Variants in ZFYVE28 observed in about 807,000 individuals in gnomAD.
ZFYVE28 encodes lateral signaling target protein 2 homolog.
Under a neutral mutation model 82.1 loss-of-function variants are expected in ZFYVE28, and 40 were observed. The ratio of observed to expected loss-of-function variants is 0.49; its 90% CI spans 0.38 to 0.63. ZFYVE28 has a LOEUF of 0.63. ZFYVE28 is among the 30% of genes least tolerant of loss of function. The pLI is 0.00. For synonymous variants in ZFYVE28, 612 were observed against 546.1 expected, an observed-to-expected ratio of 1.12 and a Z score of -1.68; for missense variants, 1,321 against 1,242.1, an observed-to-expected ratio of 1.06 and a Z score of -0.96.
chr4:2,303,053 G>A (rs551410628), intron 8 of ZFYVE28, among the ~76,000 whole-genome samples: 38 of 152,324 alleles, frequency 2.5e-4, no homozygotes, highest in East Asian at 7.7e-4. Context: ...CGAACCCATC[G>A]ATGGAAAGTG....
intron 7 of ZFYVE28, among the ~76,000 whole-genome samples, chr4:2,312,728 A>C (rs11944310): frequency 2.2e-5 from 1 of 44,830 alleles, no homozygotes; most frequent in Admixed American, 1.9e-4. Context: ...CTCTGCCTCA[A>C]AAAAAAAAAA....
Position 2,377,183 on chromosome 4 carries a change from A to G in ZFYVE28, c.40-23110T>C, listed in dbSNP as rs562592974. Among the ~76,000 whole-genome samples, 389 of 150,760 alleles carry G rather than the reference A, an allele frequency of 2.6e-3. 1 individual carries two copies. Among genetic ancestry groups the G allele is most frequent in the South Asian group, 8.0e-3 (38 of 4,774 alleles). Reference sequence around the variant, plus strand: ...ATTACAGGCGCCCGCTACCACGCCCAGCTAATTTTTTGTATTTTTAGTACA... The same window carrying G: ...ATTACAGGCGCCCGCTACCACGCCCGGCTAATTTTTTGTATTTTTAGTACA... On this transcript the variant is annotated intron_variant, in intron 1 of 12. Transcript: ENST00000290974.
intron 1 of ZFYVE28, among the ~76,000 whole-genome samples, chr4:2,403,109 T>C (rs919879876): frequency 6.6e-6 from 1 of 152,266 alleles, no homozygotes; most frequent in African/African-American, 2.4e-5. Flanking sequence ...GGCCGCCTGA[T>C]GACCCCTCTG....
chr4:2,276,092 G>A (rs1736410375), intron 8 of ZFYVE28, among the ~76,000 whole-genome samples: 1 of 152,276 alleles, frequency 6.6e-6, no homozygotes, highest in Admixed American at 6.5e-5. Flanking sequence ...AAACCCTGCA[G>A]AAGCACAGAG....
intron 1 of ZFYVE28, chr4:2,364,848 C>T: frequency 1.0e-6 from 1 of 985,484 alleles, no homozygotes; most frequent in African/African-American, 1.7e-5. Flanking sequence ...CGATAAAACC[C>T]CCACGTCGCC....
Position 2,270,600 on chromosome 4 carries a change from A to G in ZFYVE28, c.*125T>C. The G allele has an allele frequency of 7.3e-7, 1 of 1,378,896 alleles. No homozygotes were observed. Among genetic ancestry groups the G allele is most frequent in the Non-Finnish European group, 1.0e-6 (1 of 1,001,638 alleles). The allele number at this position is 1,378,896 out of a possible 1,614,324, so 85.4% of individuals were successfully genotyped here. On this transcript the variant is annotated 3_prime_UTR_variant, in exon 13 of 13. Transcript: ENST00000290974. The stretch of plus-strand genomic sequence containing the variant: ...AGGACAGAGGCTCTGGATGCTCTGG[A>G]GGTCTGGGTGCCCCTGCAGCAGCGG...
At chr4:2,388,447 G>A (rs982263828) in intron 1 of ZFYVE28, among the ~76,000 whole-genome samples, 6 of 152,002 alleles carry the variant, frequency 3.9e-5, no homozygotes, top group African/African-American at 1.5e-4. Flanking sequence ...TTTTCCACAA[G>A]GGCTCACCTT....
chr4:2,311,102 C>A (rs974804026), intron 7 of ZFYVE28, among the ~76,000 whole-genome samples: 3 of 152,132 alleles, frequency 2.0e-5, no homozygotes, highest in South Asian at 4.1e-4. Flanking sequence ...ATCCTCATAT[C>A]ATTTTAATAT....
intron 1 of ZFYVE28, chr4:2,406,492 C>A (rs2108681516): frequency 6.6e-6 from 1 of 152,398 alleles, no homozygotes; most frequent in East Asian, 1.9e-4. Flanking sequence ...GGAAGCCATC[C>A]CCTCCCTGTG....
chr4:2,364,855 C>G (rs1368487186), intron 1 of ZFYVE28: 1 of 985,374 alleles, frequency 1.0e-6, no homozygotes, highest in East Asian at 1.1e-4. Flanking sequence ...ACCCCCACGT[C>G]GCCGCGGCAA....
At chr4:2,378,742 C>CCCA (rs1728423628) in intron 1 of ZFYVE28, among the ~76,000 whole-genome samples, 1 of 152,232 alleles carries the variant, frequency 6.6e-6, no homozygotes, top group Non-Finnish European at 1.5e-5. Flanking sequence ...CATCCACCCA[C>CCCA]CCAACCACGA....
At chr4:2,381,648 C>G (rs1008903704) in intron 1 of ZFYVE28, among the ~76,000 whole-genome samples, 1 of 152,220 alleles carries the variant, frequency 6.6e-6, no homozygotes, top group Non-Finnish European at 1.5e-5. Context: ...CTCAAATGAT[C>G]TTCCCACCTC....
intron 1 of ZFYVE28, among the ~76,000 whole-genome samples, chr4:2,384,157 G>A (rs985794936): frequency 3.9e-5 from 6 of 152,302 alleles, no homozygotes; most frequent in East Asian, 3.9e-4. Context: ...AGAGGCCCCC[G>A]GGACTGTCAG....
At chr4:2,383,441 C>T (rs1728930453) in intron 1 of ZFYVE28, among the ~76,000 whole-genome samples, 1 of 152,186 alleles carries the variant, frequency 6.6e-6, no homozygotes, top group Admixed American at 6.5e-5. Context: ...CCCTGCCCCA[C>T]AGCCACGTGG....
chr4:2,299,200 C>T (rs935056320), intron 8 of ZFYVE28, among the ~76,000 whole-genome samples: 3 of 152,156 alleles, frequency 2.0e-5, no homozygotes, highest in African/African-American at 7.2e-5. Context: ...GCAGAAAACA[C>T]AGTCACTTCC....
At chr4:2,383,495 T>C (rs965382121) in intron 1 of ZFYVE28, among the ~76,000 whole-genome samples, 2 of 152,198 alleles carry the variant, frequency 1.3e-5, no homozygotes, top group African/African-American at 4.8e-5. Context: ...TAGTCTCAGG[T>C]ATGTCTTTAT....
At chr4:2,353,131 G>A (rs535908449) in intron 2 of ZFYVE28, among the ~76,000 whole-genome samples, 13 of 152,350 alleles carry the variant, frequency 8.5e-5, no homozygotes, top group African/African-American at 2.2e-4. Context: ...AGCCTGATCC[G>A]GCCAGAAAAG....
Position 2,360,134 on chromosome 4 carries a change from G to C in ZFYVE28, c.40-6061C>G, listed in dbSNP as rs144500931. ...GTATAATTGCCTGCGCGTGGGAAAG[G>C]GGCATCCTGAACAGCGTGTCCAAAG... On this transcript the variant is annotated intron_variant, in intron 1 of 12. Coordinates refer to ENST00000290974, the MANE Select transcript of ZFYVE28 (RefSeq NM_020972.3). 3.3e-5 allele frequency among the ~76,000 whole-genome samples: 5 copies of C among 152,104 alleles called. No homozygotes were observed. The East Asian group carries it at 9.7e-4, about 29-fold the overall frequency.
At position 2,417,951 on chromosome 4, in the gene ZFYVE28, A is replaced by T. The variant is rs1733283215; in HGVS notation, c.39+334T>A. 6.7e-6 allele frequency among the ~76,000 whole-genome samples: 1 copy of T among 149,108 alleles called. No homozygotes were observed. The highest frequency in any genetic ancestry group is 1.5e-5 in the Non-Finnish European group (1 of 67,358). On this transcript the variant is annotated intron_variant, in intron 1 of 12. Coordinates refer to ENST00000290974, the MANE Select transcript of ZFYVE28 (RefSeq NM_020972.3). The surrounding 1 kb of genome is among the most constrained non-coding windows in gnomAD (Gnocchi z 4.8). Reference sequence around the variant, plus strand: ...CGGGCTGGGGACCACGAAGTGTAGGAGGGCACCGTCCAGGACCGGGATGAG... The same window carrying T: ...CGGGCTGGGGACCACGAAGTGTAGGTGGGCACCGTCCAGGACCGGGATGAG...
Sources: allele counts gnomAD v4.1 joint callset (sites outside exome capture counted in the v4.1 genomes callset), GRCh38; gene constraint gnomAD v4.1.1; non-coding constraint Gnocchi (gnomAD v3.1); transcripts MANE v1.5; gene names NCBI Gene and HGNC (gene_info 2026-07-23, HGNC 2026-07-21).